Variants in MYH9 observed in about 807,000 individuals in gnomAD.
The protein encoded by MYH9 is myosin heavy chain 9.
A neutral mutation model predicts 241.9 loss-of-function variants in MYH9; 29 were observed. The observed-to-expected ratio is 0.12, with a 90% CI of 0.09 to 0.16. The LOEUF (loss-of-function observed/expected upper bound fraction) is 0.16, where lower values mean the gene tolerates loss of function less well. Ranked by LOEUF, MYH9 falls within the 10% of genes least tolerant of loss-of-function variation. The pLI, the probability that MYH9 is intolerant of heterozygous loss-of-function variation, is 1.00. For synonymous variants in MYH9, 1,047 were observed against 1,062.6 expected, an observed-to-expected ratio of 0.99 and a Z score of 0.29; for missense variants, 1,803 against 2,595.5, an observed-to-expected ratio of 0.69 and a Z score of 6.63.
intron 3 of MYH9, among the ~76,000 whole-genome samples, chr22:36,331,174 G>A (rs1046085661): frequency 6.6e-6 from 1 of 152,028 alleles, no homozygotes; most frequent in African/African-American, 2.4e-5. Flanking sequence ...GCAATGCCTG[G>A]CCCCTTGACC....
At chr22:36,298,827 G>A in intron 24 of MYH9, 92 bp downstream of exon 24, 1 of 1,576,698 alleles carries the variant, frequency 6.3e-7, no homozygotes, top group Non-Finnish European at 8.6e-7. Context: ...AGCTGAGAAG[G>A]CCTCGGTGTT....
In MYH9 at chr22:36,285,471, G is replaced by A; in HGVS notation, c.5275-142C>T. 1 of 1,305,790 alleles carries A rather than the reference G, an allele frequency of 7.7e-7. No individual in the cohort carries two copies. The allele number at this position is 1,305,790 out of a possible 1,614,324, so 80.9% of individuals were successfully genotyped here. A position where few individuals can be genotyped will look rare whatever the true frequency, so the allele number is the denominator to read the frequency against. The stretch of plus-strand genomic sequence containing the variant: ...GGGTCTCCCAGAAAAGGGAAGATTA[G>A]AAACTTCTGAACACCCAACACAGAA... On this transcript the variant is annotated intron_variant, in intron 37 of 40. Transcript: ENST00000216181. This position sits in a 1 kb window ranked among gnomAD's most constrained non-coding sequence, Gnocchi z 7.0.
intron 1 of MYH9, among the ~76,000 whole-genome samples, chr22:36,355,399 C>T (rs974731619): frequency 6.6e-6 from 1 of 152,152 alleles, no homozygotes; most frequent in African/African-American, 2.4e-5. Flanking sequence ...GAATACTCTC[C>T]CTCCCTCCCT....
chr22:36,314,371 C>T (rs2017116533), intron 12 of MYH9, 53 bp from the exon 13 acceptor site: 1 of 1,603,112 alleles, frequency 6.2e-7, no homozygotes, highest in African/African-American at 1.3e-5. Flanking sequence ...ACTAAAGAGG[C>T]CCAGACACCC....
At chr22:36,294,874 T>C in intron 27 of MYH9, 58 bp downstream of exon 27, 1 of 1,601,702 alleles carries the variant, frequency 6.2e-7, no homozygotes, top group Non-Finnish European at 8.5e-7. Flanking sequence ...GTTTGGATTC[T>C]GTGGGCCCAG....
Position 36,322,456 on chromosome 22 carries a change from G to C in MYH9, c.678C>G (p.Thr226=). Reference sequence around the variant, plus strand: ...AGCGGGAGGAGTTGTCATTCTTCACGGTCTTGGCGTTCCCGAAGGCCTCCA... The same window carrying C: ...AGCGGGAGGAGTTGTCATTCTTCACCGTCTTGGCGTTCCCGAAGGCCTCCA... The part of the protein sequence containing the change: ...PILEAFGNAK[T]VKNDNSSRFG... The change falls in exon 6 of 41, where the codon ACC becomes ACG. Residue 226 remains threonine (T), a synonymous_variant. Transcript: ENST00000216181. The C allele has an allele frequency of 2.5e-6, 4 of 1,613,946 alleles. No individual in the cohort carries two copies. Among genetic ancestry groups the C allele is most frequent in the East Asian group, 2.2e-5 (1 of 44,882 alleles).
chr22:36,318,459 A>C (rs1216477416), intron 10 of MYH9, 134 bp from the exon 11 acceptor site: 2 of 779,950 alleles, frequency 2.6e-6, no homozygotes, highest in African/African-American at 1.7e-5. Flanking sequence ...CACGGGGTGA[A>C]TGAGCAATCA....
intron 2 of MYH9, among the ~76,000 whole-genome samples, chr22:36,346,339 G>A (rs1268088203): frequency 6.6e-6 from 1 of 152,188 alleles, no homozygotes; most frequent in Non-Finnish European, 1.5e-5. Flanking sequence ...AGGAGTTCCG[G>A]GCAAATACAA....
Position 36,285,296 on chromosome 22 carries a change from G to A in MYH9, c.5308C>T (p.Arg1770Cys), listed in dbSNP as rs1430793034. The stretch of plus-strand genomic sequence containing the variant: ...TTCTCGTTCTTCTGGGCGTGGCTGC[G>A]CTCCAGGTTCAGGTCGGTGTTGATC... ...DQINTDLNLERSHAQKNENAR... is the reference protein window; with the variant it reads ...DQINTDLNLECSHAQKNENAR... The change falls in exon 38 of 41, where the codon CGC (arginine) becomes TGC (cysteine). Residue 1770 changes from arginine to cysteine, a missense_variant. Physicochemically the swap from Arg to Cys is radical, Grantham distance 180 (BLOSUM62 -3). This residue lies in a region of MYH9 where 876 missense variants were observed against 1,077.8 expected (regional missense o/e 0.81). Transcript: ENST00000216181. The surrounding 1 kb of genome is among the most constrained non-coding windows in gnomAD (Gnocchi z 7.0). The A allele has an allele frequency of 3.7e-6, 6 of 1,612,742 alleles. No homozygotes were observed. Among genetic ancestry groups the A allele is most frequent in the South Asian group, 1.1e-5 (1 of 91,084 alleles).
intron 1 of MYH9, among the ~76,000 whole-genome samples, chr22:36,362,527 T>C (rs2017950066): frequency 6.6e-6 from 1 of 152,120 alleles, no homozygotes; most frequent in Non-Finnish European, 1.5e-5. Context: ...GTCGCTCTGT[T>C]GCCCGGGCTG....
rs2016548502 is a variant in MYH9, at chr22:36,284,629, G to C, written c.5484-118C>G. On this transcript the variant is annotated intron_variant, in intron 38 of 40. Coordinates refer to ENST00000216181, the MANE Select transcript of MYH9 (RefSeq NM_002473.6). ...CACTGGCATCTAGGGATCACGTAGG[G>C]AGGCCTTTGCTAGACACCTATGTGT... 2.3e-5 allele frequency: 22 copies of C among 965,772 alleles called. No homozygotes were observed. In the South Asian group the frequency reaches 3.0e-4, roughly 13 times the overall value. 59.8% of individuals were successfully genotyped at this position (965,772 alleles called of 1,614,324 possible).
At chr22:36,322,037 C>A (rs929034) in intron 6 of MYH9, 2 of 602,794 alleles carry the variant, frequency 3.3e-6, no homozygotes, top group South Asian at 3.8e-5. Flanking sequence ...GGCCATGAGC[C>A]TGAGACAAGC....
chr22:36,319,194 G>A (rs1339218540), intron 10 of MYH9, among the ~76,000 whole-genome samples: 1 of 152,176 alleles, frequency 6.6e-6, no homozygotes, highest in African/African-American at 2.4e-5. Flanking sequence ...ATCGGGTGTG[G>A]CAAGGACATA....
intron 3 of MYH9, among the ~76,000 whole-genome samples, chr22:36,337,715 A>G (rs1420372344): frequency 6.6e-6 from 1 of 152,246 alleles, no homozygotes; most frequent in Non-Finnish European, 1.5e-5. Context: ...GGCAGAGAAC[A>G]AATCTGTTTC....
At chr22:36,368,690 C>T (rs1203964244) in intron 1 of MYH9, among the ~76,000 whole-genome samples, 1 of 152,062 alleles carries the variant, frequency 6.6e-6, no homozygotes, top group Non-Finnish European at 1.5e-5. Flanking sequence ...GTTATCTCCC[C>T]ACCCTTACCC....
intron 23 of MYH9, among the ~76,000 whole-genome samples, chr22:36,299,795 C>G (rs1203910755): frequency 6.6e-6 from 1 of 152,222 alleles, no homozygotes; most frequent in Admixed American, 6.5e-5. Flanking sequence ...CACAGAGCCA[C>G]CAAGGTGTCC....
At position 36,282,183 on chromosome 22, in the gene MYH9, G is replaced by A. The variant is rs2016500935; in HGVS notation, c.*485C>T. ...GGAGGCCCAAGGGGCAGAGGTGTGTGAGGTCACCACGTGTGATTGCAAACA... is the reference window on the plus strand; with the variant it reads ...GGAGGCCCAAGGGGCAGAGGTGTGTAAGGTCACCACGTGTGATTGCAAACA... On this transcript the variant is annotated 3_prime_UTR_variant, in exon 41 of 41. Coordinates refer to ENST00000216181, the MANE Select transcript of MYH9 (RefSeq NM_002473.6). 3.0e-6 allele frequency: 1 copy of A among 332,492 alleles called. No individual in the cohort carries two copies. The highest frequency in any genetic ancestry group is 4.8e-5 in the East Asian group (1 of 20,866). The allele number at this position is 332,492 out of a possible 1,614,324, so 20.6% of individuals were successfully genotyped here.
chr22:36,318,824 C>A (rs1038401156), intron 10 of MYH9, among the ~76,000 whole-genome samples: 1 of 151,884 alleles, frequency 6.6e-6, no homozygotes. Context: ...AGTGCAGTGG[C>A]GCGATTTCGG....
In MYH9 at chr22:36,295,805, A is replaced by T; in HGVS notation, c.3273-88T>A. 1 of 1,243,958 alleles carries T rather than the reference A, an allele frequency of 8.0e-7. No homozygotes were observed. The highest frequency in any genetic ancestry group is 1.1e-6 in the Non-Finnish European group (1 of 875,022). The allele number at this position is 1,243,958 out of a possible 1,614,324, so 77.1% of individuals were successfully genotyped here. A position where few individuals can be genotyped will look rare whatever the true frequency, so the allele number is the denominator to read the frequency against. The stretch of plus-strand genomic sequence containing the variant: ...AGGACAGGCCTGAGAGAGCTGCAGC[A>T]GCCAAAGCTGCCTCCTGTGGTCACA... On this transcript the variant is annotated intron_variant, in intron 25 of 40. Transcript: ENST00000216181. The surrounding 1 kb of genome is among the most constrained non-coding windows in gnomAD (Gnocchi z 4.1).
Sources: allele counts gnomAD v4.1 joint callset (sites outside exome capture counted in the v4.1 genomes callset), GRCh38; gene constraint gnomAD v4.1.1; regional missense constraint gnomAD v4.1.1; non-coding constraint Gnocchi (gnomAD v3.1); transcripts MANE v1.5; gene names NCBI Gene and HGNC (gene_info 2026-07-23, HGNC 2026-07-21).